Variants in SPRR2G observed in about 807,000 individuals in gnomAD.
SPRR2G encodes the protein small proline rich protein 2G, also known as small proline-rich protein 2G.
A neutral mutation model predicts 0.7 loss-of-function variants in SPRR2G; 1 was observed. The observed-to-expected ratio is 1.49, with a 90% CI of 0.53 to 7.06. SPRR2G has a LOEUF of 7.06. Among genes scored for constraint, SPRR2G ranks in the 30% most tolerant of loss-of-function variants. The probability of loss-of-function intolerance (pLI) is 0.14; values close to 1 mark genes in which losing one functional copy is unlikely to be tolerated. For synonymous variants in SPRR2G, 38 were observed against 33.9 expected (o/e 1.12, Z -0.42); for missense variants, 96 against 88.5 (o/e 1.09, Z -0.34).
At chr1:153,185,540 T>A in the SPRR2G span, among the ~76,000 whole-genome samples, 1 of 152,176 alleles carries the variant, frequency 6.6e-6, no homozygotes, top group Non-Finnish European at 1.5e-5. Flanking sequence ...GTAGTTTGTA[T>A]TTCTGAGGGA....
chr1:153,202,579 T>C, the SPRR2G span, among the ~76,000 whole-genome samples: 1 of 152,214 alleles, frequency 6.6e-6, no homozygotes, highest in Middle Eastern at 3.2e-3. Context: ...AATCTACCTG[T>C]CTAATGAGGT....
the SPRR2G span, among the ~76,000 whole-genome samples, chr1:153,182,429 T>G: frequency 6.6e-6 from 1 of 152,106 alleles, no homozygotes; most frequent in African/African-American, 2.4e-5. Flanking sequence ...CATGCAGGTT[T>G]GTTACATAGG....
chr1:153,150,198 A>C, intron 1 of SPRR2G, 67 bp from the exon 2 acceptor site: 1 of 1,584,820 alleles, frequency 6.3e-7, no homozygotes, highest in African/African-American at 1.3e-5. Context: ...ATTAGCTAGG[A>C]CATCAAATCT....
At chr1:153,151,459 C>T (rs1228202082), upstream of SPRR2G, among the ~76,000 whole-genome samples, 1 of 152,180 alleles carries the variant, frequency 6.6e-6, no homozygotes, top group African/African-American at 2.4e-5. Context: ...TGTGTTCTGA[C>T]ATGGTATTAA....
chr1:153,201,143 C>T, the SPRR2G span, among the ~76,000 whole-genome samples: 1 of 152,206 alleles, frequency 6.6e-6, no homozygotes, highest in African/African-American at 2.4e-5. Context: ...TTCTGTGTTT[C>T]GTCTCAGTAG....
chr1:153,166,474 C>T, the SPRR2G span, among the ~76,000 whole-genome samples: 1 of 152,094 alleles, frequency 6.6e-6, no homozygotes, highest in African/African-American at 2.4e-5. Flanking sequence ...TTGTTGTTCT[C>T]TTGGTCCCAA....
chr1:153,182,236 A>G, the SPRR2G span, among the ~76,000 whole-genome samples: 1 of 151,912 alleles, frequency 6.6e-6, no homozygotes, highest in Non-Finnish European at 1.5e-5. Context: ...GTCTGTTTAG[A>G]TCCTTTGCCC....
chr1:153,173,498 A>G, the SPRR2G span, among the ~76,000 whole-genome samples: 1 of 152,340 alleles, frequency 6.6e-6, no homozygotes, highest in East Asian at 1.9e-4. Context: ...AGAAGCACAT[A>G]TTGAATGGAA....
At position 153,149,888 on chromosome 1, in the gene SPRR2G, G is replaced by A; in HGVS notation, c.*1C>T. 6.2e-7 allele frequency: 1 copy of A among 1,614,116 alleles called. No homozygotes were observed. The highest frequency in any genetic ancestry group is 8.5e-7 in the Non-Finnish European group (1 of 1,180,010). ...CATGGTCCTGATGAATTCTAGTGAT[G>A]TTACTTGCTCTTGGGTGGATACTTC... is the stretch of plus-strand genomic sequence containing the variant. On this transcript the variant is annotated 3_prime_UTR_variant, in exon 2 of 2. Transcript: ENST00000368748.
the SPRR2G span, among the ~76,000 whole-genome samples, chr1:153,192,538 C>T: frequency 6.6e-6 from 1 of 152,070 alleles, no homozygotes; most frequent in Non-Finnish European, 1.5e-5. Context: ...GAAGGTCCCC[C>T]CAAATTGCAC....
chr1:153,167,112 A>G, the SPRR2G span, among the ~76,000 whole-genome samples: 1 of 152,216 alleles, frequency 6.6e-6, no homozygotes, highest in African/African-American at 2.4e-5. Context: ...GATCCTAATA[A>G]CCTTGGCATG....
chr1:153,193,712 A>G, the SPRR2G span, among the ~76,000 whole-genome samples: 2 of 152,186 alleles, frequency 1.3e-5, no homozygotes, highest in Non-Finnish European at 2.9e-5. Flanking sequence ...TGAGGAGCTC[A>G]GCAAGTCCAT....
chr1:153,188,008 T>C, the SPRR2G span, among the ~76,000 whole-genome samples: 1 of 152,188 alleles, frequency 6.6e-6, no homozygotes, highest in Non-Finnish European at 1.5e-5. Context: ...CTCCAGACCC[T>C]GTTTGCCTGG....
At chr1:153,196,184 T>A in the SPRR2G span, among the ~76,000 whole-genome samples, 12 of 152,238 alleles carry the variant, frequency 7.9e-5, no homozygotes, top group Non-Finnish European at 1.2e-4. Context: ...TTCATCTTAC[T>A]TAATTATTTT....
the SPRR2G span, among the ~76,000 whole-genome samples, chr1:153,169,857 A>G: frequency 4.8e-4 from 73 of 152,220 alleles, no homozygotes; most frequent in African/African-American, 1.7e-3. Flanking sequence ...TCACCCTCCA[A>G]ATATCTGTAT....
At chr1:153,201,168 C>T in the SPRR2G span, among the ~76,000 whole-genome samples, 131 of 152,286 alleles carry the variant, frequency 8.6e-4, no homozygotes, top group African/African-American at 3.1e-3. Flanking sequence ...TCCTTCCAGC[C>T]AGCGAAGGAA....
the SPRR2G span, among the ~76,000 whole-genome samples, chr1:153,178,599 G>T: frequency 6.6e-6 from 1 of 151,866 alleles, no homozygotes; most frequent in Non-Finnish European, 1.5e-5. Flanking sequence ...AGTTAATTTG[G>T]TGAATTACAT....
chr1:153,166,000 A>G, the SPRR2G span, among the ~76,000 whole-genome samples: 9 of 152,064 alleles, frequency 5.9e-5, no homozygotes, highest in Admixed American at 5.9e-4. Context: ...ACAGGTGCCA[A>G]TTTTGCTTTC....
the SPRR2G span, among the ~76,000 whole-genome samples, chr1:153,196,308 T>C: frequency 3.9e-5 from 6 of 152,228 alleles, no homozygotes; most frequent in African/African-American, 1.4e-4. Flanking sequence ...AGTGGAATGA[T>C]GCAGTATTTG....
Sources: allele counts gnomAD v4.1 joint callset (sites outside exome capture counted in the v4.1 genomes callset), GRCh38; gene constraint gnomAD v4.1.1; transcripts MANE v1.5; gene names NCBI Gene and HGNC (gene_info 2026-07-23, HGNC 2026-07-21).